SLC2A11: variants seen among roughly 807,000 people sequenced by gnomAD.
The protein encoded by SLC2A11 is solute carrier family 2 member 11.
A neutral mutation model predicts 52.1 loss-of-function variants in SLC2A11; 43 were observed. The ratio of observed to expected loss-of-function variants is 0.82; its 90% CI spans 0.65 to 1.06. The LOEUF (loss-of-function observed/expected upper bound fraction) is 1.06. SLC2A11 is among the 50% of genes least tolerant of loss of function. The pLI is 0.00. For synonymous variants in SLC2A11, 261 were observed against 277.6 expected (o/e 0.94, Z 0.59); for missense variants, 582 against 654.2 (o/e 0.89, Z 1.20).
At chr22:23,864,996 C>T (rs185091124) in intron 2 of SLC2A11, among the ~76,000 whole-genome samples, 295 of 151,250 alleles carry the variant, frequency 2.0e-3, no homozygotes, top group South Asian at 8.8e-3. Flanking sequence ...GATCCCAGCT[C>T]CTCCAGAGGC....
Position 23,862,853 on chromosome 22 carries a change from C to T in SLC2A11, c.129+651C>T, listed in dbSNP as rs563831902. On this transcript the variant is annotated intron_variant, in intron 2 of 11. Transcript: ENST00000316185. ...GGTCAGGCTGGTCTCAAACTCCCAA[C>T]CTCATGTGATCCGCCTGCCTCAGCC... Among the ~76,000 whole-genome samples, 6 of 152,216 alleles carry T rather than the reference C, an allele frequency of 3.9e-5. No individual in the cohort carries two copies. In the East Asian group the frequency reaches 9.7e-4, roughly 25 times the overall value.
chr22:23,868,904 A>T, intron 3 of SLC2A11: 1 of 446,932 alleles, frequency 2.2e-6, no homozygotes, highest in Non-Finnish European at 4.0e-6. Context: ...CTGACCTTAA[A>T]CAAGTTATTT....
chr22:23,875,162 A>G lies in SLC2A11; in HGVS notation c.336A>G (p.Ala112=), dbSNP rs2146129091. ...LVNNIFVVSA[A]ILFGFSRKAG... ...ATAACATCTTTGTGGTGTCAGCAGC[A>G]ATCCTGTTTGGATTCAGCCGCAAAG... is the stretch of plus-strand genomic sequence containing the variant. Residue 112 remains alanine, a synonymous_variant, in exon 4 of 12, where the codon GCA becomes GCG. Transcript: ENST00000316185. The G allele has an allele frequency of 1.9e-6, 3 of 1,595,072 alleles. No individual in the cohort carries two copies. The highest frequency in any genetic ancestry group is 2.6e-6 in the Non-Finnish European group (3 of 1,170,388).
chr22:23,859,827 G>A (rs1278767034), intron 1 of SLC2A11, among the ~76,000 whole-genome samples: 1 of 152,204 alleles, frequency 6.6e-6, no homozygotes, highest in African/African-American at 2.4e-5. Context: ...TAAATAGTCC[G>A]TAGGTTCTGG....
At chr22:23,857,681 C>T (rs1316138918), upstream of SLC2A11, 4 of 1,132,162 alleles carry the variant, frequency 3.5e-6, no homozygotes, top group Non-Finnish European at 5.0e-6. Context: ...GCCTCAGGCG[C>T]CCTCCGCGAC....
chr22:23,878,560 T>C (rs959795136), intron 6 of SLC2A11, among the ~76,000 whole-genome samples: 1 of 152,226 alleles, frequency 6.6e-6, no homozygotes, highest in Non-Finnish European at 1.5e-5. Context: ...CCTCGTGCCA[T>C]TAACATTCCA....
chr22:23,883,776 TGGTAATCG>T lies in SLC2A11; in HGVS notation c.999_1006del (p.Val334GlufsTer67). ...CTGTGCTTTCTGCCTTTGCAGTGTG[TGGTAATCG>T]AGAGGGTGGGTCGGCGCGTGCTGCT... On this transcript the variant is annotated frameshift_variant, in exon 9 of 12. Transcript: ENST00000316185. LOFTEE classifies it high-confidence loss of function. 6.5e-7 allele frequency: 1 copy of T among 1,531,492 alleles called. No individual in the cohort carries two copies. Among genetic ancestry groups the T allele is most frequent in the Non-Finnish European group, 8.7e-7 (1 of 1,142,876 alleles). The allele number at this position is 1,531,492 out of a possible 1,614,324, so 94.9% of individuals were successfully genotyped here. A position where few individuals can be genotyped will look rare whatever the true frequency, so the allele number is the denominator to read the frequency against.
chr22:23,878,885 T>C (rs1045904564), intron 6 of SLC2A11, among the ~76,000 whole-genome samples: 1 of 152,180 alleles, frequency 6.6e-6, no homozygotes, highest in East Asian at 1.9e-4. Context: ...TCTAGAAAGA[T>C]GAGTCTTCTT....
chr22:23,883,529 A>G (rs1028443112), intron 8 of SLC2A11: 2 of 496,256 alleles, frequency 4.0e-6, no homozygotes, highest in African/African-American at 4.0e-5. Context: ...AGTGAGTTAG[A>G]GAGCATCTAT....
At position 23,877,835 on chromosome 22, in the gene SLC2A11, C is replaced by T. The variant is rs550855471; in HGVS notation, c.660C>T (p.Leu220=). Residue 220 remains leucine, a synonymous_variant, in exon 6 of 12, where the codon CTC becomes CTT. Transcript: ENST00000316185. ...TCCCTGAAAGCCCGCGCTACCTCCT[C>T]ATTGACTGTGGAGACACCGAGGCCT... is the stretch of plus-strand genomic sequence containing the variant. ...PLLPESPRYL[L]IDCGDTEACL... is the part of the protein sequence containing the mutation. 5.0e-6 allele frequency: 8 copies of T among 1,613,650 alleles called. No individual in the cohort carries two copies. Among genetic ancestry groups the T allele is most frequent in the Middle Eastern group, 1.7e-4 (1 of 6,060 alleles).
chr22:23,870,231 A>G (rs2032407610), intron 3 of SLC2A11: 1 of 568,596 alleles, frequency 1.8e-6, no homozygotes, highest in Non-Finnish European at 3.1e-6. Flanking sequence ...ATCTCATGAT[A>G]CCTGGTACAG....
intron 6 of SLC2A11, chr22:23,880,487 C>G (rs2032764513): frequency 6.6e-6 from 1 of 152,254 alleles, no homozygotes; most frequent in East Asian, 1.9e-4. Context: ...GGCCTAATTG[C>G]TGGTATTTAG....
intron 5 of SLC2A11, 138 bp from the exon 6 acceptor site, chr22:23,877,583 T>G: frequency 1.7e-6 from 2 of 1,178,718 alleles, no homozygotes; most frequent in Non-Finnish European, 2.5e-6. Context: ...ATCTTGATGT[T>G]CAGACCCAGA....
At chr22:23,863,757 A>T (rs1010640605) in intron 2 of SLC2A11, among the ~76,000 whole-genome samples, 1 of 151,836 alleles carries the variant, frequency 6.6e-6, no homozygotes, top group Non-Finnish European at 1.5e-5. Flanking sequence ...CCTCCCAAAT[A>T]ATTGGGACCA....
In SLC2A11 at chr22:23,884,035, C is replaced by T. The variant is rs753262365; in HGVS notation, c.1171+11C>T. ...TTGGCATTGGCCCTGGTGAGTGGGC[C>T]CAAGGGGCTCTGGGCATCCATCATC... is the stretch of plus-strand genomic sequence containing the variant. On this transcript the variant is annotated intron_variant, in intron 10 of 11. Transcript: ENST00000316185. The surrounding 1 kb of genome is among the most constrained non-coding windows in gnomAD (Gnocchi z 4.3). 4 of 1,609,828 alleles carry T rather than the reference C, an allele frequency of 2.5e-6. No individual in the cohort carries two copies. The highest frequency in any genetic ancestry group is 2.5e-6 in the Non-Finnish European group (3 of 1,178,852).
chr22:23,879,925 A>G (rs548869705), intron 6 of SLC2A11: 16 of 152,314 alleles, frequency 1.1e-4, no homozygotes, highest in African/African-American at 3.6e-4. Context: ...CTTCCTGCCT[A>G]TAGAGAGTTG....
rs1988364445 is a variant in SLC2A11, at chr22:23,858,041, C to G, written c.30+12C>G. On this transcript the variant is annotated intron_variant, in intron 1 of 11. Transcript: ENST00000316185. ...TGCGATCTAGAATGGTATGAATTCT[C>G]ATACTTGCCCAGACCAGGCGTTTCA... is the stretch of plus-strand genomic sequence containing the variant. 1 of 1,556,516 alleles carries G rather than the reference C, an allele frequency of 6.4e-7. No homozygotes were observed. The highest frequency in any genetic ancestry group is 1.2e-5 in the South Asian group (1 of 84,386).
chr22:23,866,197 A>G (rs1026973567), intron 2 of SLC2A11: 8 of 152,050 alleles, frequency 5.3e-5, no homozygotes, highest in African/African-American at 1.7e-4. Flanking sequence ...GAAAAAAGGA[A>G]AAAAGAGCTT....
chr22:23,857,355 TTG>T, upstream of SLC2A11: 1 of 1,233,508 alleles, frequency 8.1e-7, no homozygotes, highest in Non-Finnish European at 1.1e-6. Flanking sequence ...TTGCTGGCAC[TTG>T]CGAGGGCGAA....
Sources: gnomAD v4.1 joint callset for allele counts (sites outside exome capture counted in the v4.1 genomes callset) on GRCh38, gnomAD v4.1.1 for gene constraint, Gnocchi (gnomAD v3.1) non-coding constraint, MANE v1.5 for transcripts, NCBI Gene and HGNC (gene_info 2026-07-23, HGNC 2026-07-21) for gene names.